The following BNIP5 variants were observed in gnomAD, a reference collection of about 807,000 sequenced individuals.
BNIP5 encodes BCL2 interacting protein 5.
In BNIP5, 61 loss-of-function variants were observed where a neutral mutation model predicts 67.3. The observed-to-expected ratio is 0.91, with a 90% CI of 0.74 to 1.12. The LOEUF (loss-of-function observed/expected upper bound fraction) is 1.12, where lower values mean the gene tolerates loss of function less well. BNIP5 is among the 50% of genes most tolerant of loss of function. The pLI, the probability that BNIP5 is intolerant of heterozygous loss-of-function variation, is 0.00. For synonymous variants in BNIP5, 317 were observed against 319.0 expected, an observed-to-expected ratio of 0.99 and a Z score of 0.07; for missense variants, 826 against 816.3, an observed-to-expected ratio of 1.01 and a Z score of -0.14.
intron 11 of BNIP5, among the ~76,000 whole-genome samples, chr6:36,318,929 T>C (rs534211755): frequency 6.6e-6 from 1 of 152,296 alleles, no homozygotes; most frequent in South Asian, 2.1e-4. Context: ...AGCCTTCTTG[T>C]CTATCTCAGC....
At chr6:36,325,704 G>T (rs554918997) in intron 5 of BNIP5, among the ~76,000 whole-genome samples, 38 of 152,264 alleles carry the variant, frequency 2.5e-4, no homozygotes, top group African/African-American at 9.1e-4. Context: ...CTGGTCCCAT[G>T]GCATGAATTA....
chr6:36,329,935 A>G, intron 2 of BNIP5, 146 bp downstream of exon 2: 1 of 766,900 alleles, frequency 1.3e-6, no homozygotes, highest in South Asian at 2.0e-5. Flanking sequence ...GGAGGGAGGA[A>G]GGGAGGGAGG....
At chr6:36,327,202 G>A (rs1771785169) in intron 3 of BNIP5, 108 bp from the exon 4 acceptor site, 2 of 988,502 alleles carry the variant, frequency 2.0e-6, no homozygotes, top group Non-Finnish European at 1.6e-6. Context: ...GCCACACAAT[G>A]GAGGGAAAGC....
At chr6:36,326,953 A>T (rs550492478) in intron 4 of BNIP5, 77 bp downstream of exon 4, 1 of 1,464,812 alleles carries the variant, frequency 6.8e-7, no homozygotes, top group African/African-American at 1.4e-5. Context: ...CCGGCCTGCA[A>T]GGACAGGTGG....
At position 36,323,396 on chromosome 6, in the gene BNIP5, C is replaced by T. The variant is rs753766035; in HGVS notation, c.1368G>A (p.Ala456=). The T allele has an allele frequency of 3.3e-5, 54 of 1,614,132 alleles. No individual in the cohort carries two copies. Among genetic ancestry groups the T allele is most frequent in the South Asian group, 1.6e-4 (15 of 91,096 alleles). Residue 456 remains alanine (A), a synonymous_variant, in exon 8 of 12, where the codon GCG becomes GCA. Transcript: ENST00000437635. ...CTGGGCTGGCAGCCCCTGCTGCCCCCGCTCTTCTGGGTTCCTTGGAGGTGT... is the reference window on the plus strand; with the variant it reads ...CTGGGCTGGCAGCCCCTGCTGCCCCTGCTCTTCTGGGTTCCTTGGAGGTGT... ...KKHTSKEPRR[A]GAAGAASPEA...
chr6:36,317,659 A>G (rs966886835), intron 11 of BNIP5, among the ~76,000 whole-genome samples: 1 of 152,110 alleles, frequency 6.6e-6, no homozygotes, highest in Non-Finnish European at 1.5e-5. Flanking sequence ...GCTACCACTC[A>G]TTTGGTATTT....
intron 1 of BNIP5, among the ~76,000 whole-genome samples, chr6:36,335,969 A>C (rs1309602140): frequency 6.6e-6 from 1 of 152,160 alleles, no homozygotes; most frequent in Non-Finnish European, 1.5e-5. Context: ...ATACACACCT[A>C]CCATGACCTA....
chr6:36,320,441 G>A (rs1771609153), intron 10 of BNIP5, among the ~76,000 whole-genome samples: 1 of 152,204 alleles, frequency 6.6e-6, no homozygotes, highest in Non-Finnish European at 1.5e-5. Flanking sequence ...TGCTCATGGG[G>A]AAGTGGAGGC....
At chr6:36,320,037 C>A (rs957048218) in intron 10 of BNIP5, among the ~76,000 whole-genome samples, 1 of 152,104 alleles carries the variant, frequency 6.6e-6, no homozygotes, top group Non-Finnish European at 1.5e-5. Context: ...GATTGCTGGG[C>A]GGGGATTGGA....
chr6:36,326,864 G>C, intron 4 of BNIP5, 111 bp from the exon 5 acceptor site: 1 of 1,514,220 alleles, frequency 6.6e-7, no homozygotes, highest in Non-Finnish European at 9.1e-7. Context: ...AGAGAGGGGA[G>C]GCAGCAGAGC....
At chr6:36,332,952 C>T (rs1771938894) in intron 1 of BNIP5, among the ~76,000 whole-genome samples, 1 of 152,166 alleles carries the variant, frequency 6.6e-6, no homozygotes, top group Non-Finnish European at 1.5e-5. Flanking sequence ...GTCATTATAG[C>T]TTTAGCATGC....
chr6:36,336,559 C>A (rs186040192), intron 1 of BNIP5, among the ~76,000 whole-genome samples, 153 bp downstream of exon 1: 1 of 152,294 alleles, frequency 6.6e-6, no homozygotes, highest in East Asian at 1.9e-4. Flanking sequence ...CCCCCACCTC[C>A]ACCCCCATTG....
At chr6:36,335,681 G>A (rs1013422914) in intron 1 of BNIP5, among the ~76,000 whole-genome samples, 2 of 152,202 alleles carry the variant, frequency 1.3e-5, no homozygotes, top group Admixed American at 1.3e-4. Context: ...CCAGAGAGCC[G>A]TTTCATTGAC....
rs1158832590 is a variant in BNIP5, at chr6:36,330,619, G to C, written c.72C>G (p.Ala24=). Residue 24 remains alanine, a synonymous_variant, in exon 2 of 12, where the codon GCC becomes GCG. Coordinates refer to ENST00000437635, the MANE Select transcript of BNIP5 (RefSeq NM_001010903.5). ...KKARSLDRPQ[A]PGKGSESWDC... is the part of the protein sequence containing the mutation. ...CCCACGACTCCGAGCCTTTCCCGGG[G>C]GCCTGCGGCCTGTCCAGAGACCTGG... The C allele has an allele frequency of 1.9e-6, 3 of 1,609,066 alleles. No homozygotes were observed. The highest frequency in any genetic ancestry group is 2.5e-6 in the Non-Finnish European group (3 of 1,179,978).
chr6:36,328,788 T>C (rs1771820510), intron 2 of BNIP5, 74 bp from the exon 3 acceptor site: 2 of 925,578 alleles, frequency 2.2e-6, no homozygotes, highest in Non-Finnish European at 3.6e-6. Flanking sequence ...CCTGACTTTG[T>C]TCATCAACAC....
intron 1 of BNIP5, among the ~76,000 whole-genome samples, chr6:36,331,340 T>A (rs989535782): frequency 1.3e-5 from 2 of 152,156 alleles, no homozygotes; most frequent in Admixed American, 6.5e-5. Context: ...TGTCCACACC[T>A]AGGTTTTAGT....
At chr6:36,327,670 G>A (rs1490310708) in intron 3 of BNIP5, among the ~76,000 whole-genome samples, 1 of 152,140 alleles carries the variant, frequency 6.6e-6, no homozygotes, top group Non-Finnish European at 1.5e-5. Flanking sequence ...ACACCCCCAT[G>A]TCTGCACGGA....
intron 10 of BNIP5, among the ~76,000 whole-genome samples, 178 bp downstream of exon 10, chr6:36,320,977 A>C (rs972570012): frequency 6.6e-5 from 10 of 152,248 alleles, no homozygotes; most frequent in Non-Finnish European, 1.5e-4. Context: ...CGTTTTCTAC[A>C]TATGCACTAA....
At chr6:36,329,860 A>G (rs1771845048) in intron 2 of BNIP5, among the ~76,000 whole-genome samples, 1 of 151,380 alleles carries the variant, frequency 6.6e-6, no homozygotes, top group South Asian at 2.1e-4. Flanking sequence ...AAAGAAAGGA[A>G]AGAGAAAAGA....
Sources: allele counts gnomAD v4.1 joint callset (sites outside exome capture counted in the v4.1 genomes callset), GRCh38; gene constraint gnomAD v4.1.1; transcripts MANE v1.5; gene names NCBI Gene and HGNC (gene_info 2026-07-23, HGNC 2026-07-21).